Variants in DOK6 observed in about 807,000 individuals in gnomAD.
DOK6 encodes docking protein 6.
A neutral mutation model predicts 44.0 loss-of-function variants in DOK6; 22 were observed. That is an observed-to-expected ratio of 0.50 (90% CI 0.36 to 0.71). The LOEUF (loss-of-function observed/expected upper bound fraction) is 0.71, where lower values mean the gene tolerates loss of function less well. Ranked by LOEUF, DOK6 falls within the 30% of genes least tolerant of loss-of-function variation. DOK6 has a pLI of 0.00. For synonymous variants in DOK6, 166 were observed against 145.5 expected, an observed-to-expected ratio of 1.14 and a Z score of -1.01; for missense variants, 340 against 416.4, an observed-to-expected ratio of 0.82 and a Z score of 1.60.
chr18:69,675,045 T>C (rs141560804), intron 3 of DOK6, among the ~76,000 whole-genome samples: 81 of 152,334 alleles, frequency 5.3e-4, no homozygotes, highest in African/African-American at 1.9e-3. Context: ...TATTCTTATA[T>C]GCTACTACAC....
chr18:69,789,481 G>T (rs1294265359), intron 7 of DOK6, among the ~76,000 whole-genome samples: 1 of 151,914 alleles, frequency 6.6e-6, no homozygotes, highest in Admixed American at 6.6e-5. Context: ...GTGTGTGTGT[G>T]TAAGTAAAAT....
At chr18:69,512,012 C>A (rs1981378866) in intron 1 of DOK6, among the ~76,000 whole-genome samples, 1 of 152,014 alleles carries the variant, frequency 6.6e-6, no homozygotes, top group South Asian at 2.1e-4. Flanking sequence ...TTGGGTTGAC[C>A]CTGACGATCA....
At chr18:69,706,096 G>C (rs948688380) in intron 5 of DOK6, among the ~76,000 whole-genome samples, 2 of 152,166 alleles carry the variant, frequency 1.3e-5, no homozygotes, top group Non-Finnish European at 2.9e-5. Flanking sequence ...CCTCATCCTT[G>C]TAACTGGGGT....
At chr18:69,609,361 A>G (rs1984080035) in intron 3 of DOK6, among the ~76,000 whole-genome samples, 1 of 152,226 alleles carries the variant, frequency 6.6e-6, no homozygotes, top group Admixed American at 6.5e-5. Flanking sequence ...CAAAGAAGAC[A>G]TGCAGATGGT....
intron 2 of DOK6, among the ~76,000 whole-genome samples, chr18:69,574,303 T>G (rs1236472002): frequency 1.3e-5 from 2 of 152,004 alleles, no homozygotes; most frequent in Admixed American, 1.3e-4. Flanking sequence ...TAAGAGTGTT[T>G]GGAGGAGTCA....
At chr18:69,654,510 A>T (rs918843261) in intron 3 of DOK6, among the ~76,000 whole-genome samples, 2 of 152,210 alleles carry the variant, frequency 1.3e-5, no homozygotes, top group Non-Finnish European at 2.9e-5. Context: ...CCTTCTTTAT[A>T]AAAGAAATAG....
intron 7 of DOK6, among the ~76,000 whole-genome samples, chr18:69,791,485 T>TG (rs1202481988): frequency 2.8e-4 from 43 of 152,336 alleles, no homozygotes; most frequent in Admixed American, 6.5e-4. Context: ...AGTTTTAATC[T>TG]GCATTTCTCT....
chr18:69,781,512 T>C (rs1980265697), intron 7 of DOK6: 1 of 152,158 alleles, frequency 6.6e-6, no homozygotes, highest in Non-Finnish European at 1.5e-5. Context: ...CCTAAACGTA[T>C]GAATATGCCA....
At chr18:69,755,688 T>A (rs574711415) in intron 6 of DOK6, among the ~76,000 whole-genome samples, 4 of 152,320 alleles carry the variant, frequency 2.6e-5, no homozygotes, top group Admixed American at 2.0e-4. Flanking sequence ...TAATGCACGT[T>A]TTTAACGTGC....
intron 1 of DOK6, among the ~76,000 whole-genome samples, chr18:69,491,713 T>G (rs1487858204): frequency 3.9e-5 from 6 of 152,188 alleles, no homozygotes; most frequent in Non-Finnish European, 8.8e-5. Context: ...CAGTAGTCAT[T>G]TAGCAGGCTG....
chr18:69,586,766 C>T (rs1983510548), intron 2 of DOK6, among the ~76,000 whole-genome samples: 1 of 152,106 alleles, frequency 6.6e-6, no homozygotes, highest in South Asian at 2.1e-4. Context: ...CCTGCATTTC[C>T]TCCTGGGGCC....
At chr18:69,702,876 T>C (rs1986552544) in intron 5 of DOK6, among the ~76,000 whole-genome samples, 1 of 152,220 alleles carries the variant, frequency 6.6e-6, no homozygotes, top group Non-Finnish European at 1.5e-5. Flanking sequence ...CGACCAAAAC[T>C]GTCATTGTGA....
At chr18:69,609,099 G>T (rs906911410) in intron 3 of DOK6, among the ~76,000 whole-genome samples, 1 of 152,128 alleles carries the variant, frequency 6.6e-6, no homozygotes, top group Non-Finnish European at 1.5e-5. Context: ...CTAGAAAAAT[G>T]ATTTCATGGC....
intron 1 of DOK6, among the ~76,000 whole-genome samples, chr18:69,544,765 G>T (rs1259164528): frequency 6.6e-6 from 1 of 151,468 alleles, no homozygotes; most frequent in Non-Finnish European, 1.5e-5. Context: ...CTCTATGGCT[G>T]ATTGATTAAA....
At chr18:69,593,362 G>T (rs1043420838) in intron 2 of DOK6, among the ~76,000 whole-genome samples, 1 of 151,016 alleles carries the variant, frequency 6.6e-6, no homozygotes, top group Non-Finnish European at 1.5e-5. Flanking sequence ...ACAGAACAAG[G>T]CCCTGTCTCT....
chr18:69,627,897 A>G (rs898677508), intron 3 of DOK6, among the ~76,000 whole-genome samples: 1 of 152,174 alleles, frequency 6.6e-6, no homozygotes, highest in Non-Finnish European at 1.5e-5. Context: ...CTTTTTCAAT[A>G]TCATTATCCA....
intron 7 of DOK6, among the ~76,000 whole-genome samples, chr18:69,770,405 C>A (rs994335405): frequency 6.6e-6 from 1 of 152,100 alleles, no homozygotes; most frequent in African/African-American, 2.4e-5. Context: ...CATGTATAAT[C>A]TCTACCCTTC....
At chr18:69,829,696 G>A (rs1283338958) in intron 7 of DOK6, among the ~76,000 whole-genome samples, 2 of 151,062 alleles carry the variant, frequency 1.3e-5, no homozygotes, top group African/African-American at 4.9e-5. Flanking sequence ...AATGAAGAAA[G>A]ACTTGTTATC....
chr18:69,711,695 T>G (rs1477967705), intron 5 of DOK6, among the ~76,000 whole-genome samples: 4 of 152,232 alleles, frequency 2.6e-5, no homozygotes, highest in Admixed American at 6.5e-5. Flanking sequence ...CTGATGTGTT[T>G]CAATTATTTA....
Sources: gnomAD v4.1 joint callset for allele counts (sites outside exome capture counted in the v4.1 genomes callset) on GRCh38, gnomAD v4.1.1 for gene constraint, MANE v1.5 for transcripts, NCBI Gene and HGNC (gene_info 2026-07-23, HGNC 2026-07-21) for gene names.